KIF18A: variants seen among roughly 807,000 people sequenced by gnomAD.
KIF18A encodes the protein kinesin family member 18A, also known as kinesin-like protein KIF18A.
In KIF18A, 67 loss-of-function variants were observed where a neutral mutation model predicts 103.3. That is an observed-to-expected ratio of 0.65 (90% confidence interval 0.53 to 0.79). The LOEUF (loss-of-function observed/expected upper bound fraction) is 0.79. Among genes scored for constraint, KIF18A ranks in the 30% least tolerant of loss-of-function variants. KIF18A has a pLI of 0.00. For missense variants in KIF18A, 1,032 were observed against 1,062.5 expected, an observed-to-expected ratio of 0.97 and a Z score of 0.40; for synonymous variants, 367 against 355.5, an observed-to-expected ratio of 1.03 and a Z score of -0.36.
chr11:28,105,649 T>G (rs1285524515), intron 1 of KIF18A, among the ~76,000 whole-genome samples: 1 of 152,192 alleles, frequency 6.6e-6, no homozygotes, highest in African/African-American at 2.4e-5. Context: ...TTATATTTCC[T>G]TACTTTTGAT....
intron 6 of KIF18A, among the ~76,000 whole-genome samples, chr11:28,087,084 T>C (rs1048088654): frequency 6.6e-6 from 1 of 152,214 alleles, no homozygotes; most frequent in Non-Finnish European, 1.5e-5. Context: ...TTAAATTTAA[T>C]TTTTTAATTA....
chr11:28,030,283 C>T (rs998108799), intron 15 of KIF18A, among the ~76,000 whole-genome samples: 4 of 151,908 alleles, frequency 2.6e-5, no homozygotes, highest in South Asian at 2.1e-4. Context: ...TCAAACTATA[C>T]TACAAGGCTA....
intron 10 of KIF18A, chr11:28,076,432 A>C (rs1283535487): frequency 6.6e-6 from 1 of 152,164 alleles, no homozygotes; most frequent in Non-Finnish European, 1.5e-5. Context: ...AGTTCCATAA[A>C]ATGCCCAGAA....
chr11:28,079,900 TACTGTATTACTA>T (rs1428920908), intron 9 of KIF18A, among the ~76,000 whole-genome samples: 1 of 152,142 alleles, frequency 6.6e-6, no homozygotes, highest in East Asian at 1.9e-4. Context: ...TACTTTTGCA[TACTGTATTACTA>T]ACTGCTTTCT....
intron 13 of KIF18A, among the ~76,000 whole-genome samples, chr11:28,057,570 G>C (rs7105075): frequency 0.46 from 70,511 of 151,818 alleles, 17,896 homozygotes; most frequent in Admixed American, 0.56. Context: ...TATTATTGCT[G>C]TTGTTACTAT....
At chr11:28,086,401 A>T (rs1851228615) in intron 6 of KIF18A, among the ~76,000 whole-genome samples, 1 of 152,216 alleles carries the variant, frequency 6.6e-6, no homozygotes, top group African/African-American at 2.4e-5. Context: ...TCTTTTACCT[A>T]AAAAGAAAAA....
At chr11:28,035,546 A>C (rs191071856) in intron 14 of KIF18A, 52 bp from the exon 15 acceptor site, 1 of 1,109,594 alleles carries the variant, frequency 9.0e-7, no homozygotes, top group Admixed American at 2.7e-5. Flanking sequence ...TTGAACTATG[A>C]AGAGAAAAGG....
intron 13 of KIF18A, among the ~76,000 whole-genome samples, chr11:28,055,423 C>T (rs758102862): frequency 6.6e-6 from 1 of 152,168 alleles, no homozygotes; most frequent in African/African-American, 2.4e-5. Context: ...TCTGCAATTT[C>T]AGCTAATTTC....
intron 11 of KIF18A, among the ~76,000 whole-genome samples, chr11:28,066,388 C>T (rs1180589144): frequency 2.6e-5 from 4 of 151,980 alleles, no homozygotes; most frequent in Admixed American, 2.6e-4. Flanking sequence ...AGTATTCCTA[C>T]AGGCACTGTG....
intron 15 of KIF18A, among the ~76,000 whole-genome samples, chr11:28,029,209 T>A (rs965809389): frequency 7.2e-5 from 11 of 152,062 alleles, no homozygotes; most frequent in African/African-American, 2.7e-4. Flanking sequence ...TACCAAAGCC[T>A]GGCAGAGACA....
intron 15 of KIF18A, among the ~76,000 whole-genome samples, chr11:28,031,725 C>G (rs915510851): frequency 4.0e-5 from 6 of 151,004 alleles, no homozygotes; most frequent in African/African-American, 1.5e-4. Context: ...AGGAACATAT[C>G]TCAACACGAT....
chr11:28,083,118 C>A, intron 8 of KIF18A, 51 bp downstream of exon 8: 1 of 1,554,672 alleles, frequency 6.4e-7, no homozygotes, highest in Non-Finnish European at 8.6e-7. Flanking sequence ...TTATAAAATT[C>A]TATAAATGAA....
At position 28,097,750 on chromosome 11, in the gene KIF18A, C is replaced by G. The variant is rs748031282; in HGVS notation, c.198G>C (p.Lys66Asn). Residue 66 changes from lysine to asparagine, a missense_variant, in exon 2 of 17, where the codon AAG becomes AAC. Coordinates refer to ENST00000263181, the MANE Select transcript of KIF18A (RefSeq NM_031217.4). ...GKKTTNQNVI[K>N]KQNKDLKFVF... The stretch of plus-strand genomic sequence containing the variant: ...CAAATTTAAGATCCTTATTTTGTTT[C>G]TTTATAACATTTTGATTTGTAGTTT... 11 of 1,611,222 alleles carry G rather than the reference C, an allele frequency of 6.8e-6. No homozygotes were observed. The highest frequency in any genetic ancestry group is 7.6e-6 in the Non-Finnish European group (9 of 1,178,026).
chr11:28,046,550 G>A (rs1218439122), intron 13 of KIF18A, among the ~76,000 whole-genome samples: 4 of 128,120 alleles, frequency 3.1e-5, no homozygotes, highest in Non-Finnish European at 4.9e-5. Flanking sequence ...CTGTTGTGGG[G>A]TAGGGGGAGG....
chr11:28,094,504 G>T, intron 3 of KIF18A, 139 bp downstream of exon 3: 2 of 659,218 alleles, frequency 3.0e-6, no homozygotes, highest in South Asian at 2.4e-5. Flanking sequence ...AACAGAAAAA[G>T]ATGCATAACA....
Position 28,059,149 on chromosome 11 carries a change from A to C in KIF18A, c.1725T>G (p.Ala575=). The change falls in exon 13 of 17, where the codon GCT becomes GCG. Residue 575 remains alanine, a synonymous_variant. Transcript: ENST00000263181. ...QHRQTEAVLN[A]LLPTLRKQYC... is the part of the protein sequence containing the mutation. ...ATTGTTTTCTTAGGGTTGGAAGTAA[A>C]GCATTCAATACTCTATATACAGAAG... is the stretch of plus-strand genomic sequence containing the variant. The C allele has an allele frequency of 6.2e-7, 1 of 1,608,626 alleles. No individual in the cohort carries two copies.
At chr11:28,081,182 T>A (rs1851161030) in intron 9 of KIF18A, among the ~76,000 whole-genome samples, 2 of 152,192 alleles carry the variant, frequency 1.3e-5, no homozygotes, top group South Asian at 2.1e-4. Flanking sequence ...AGTGCTGATG[T>A]AGAAGCTGCA....
At chr11:28,078,138 C>A (rs1481405010) in intron 9 of KIF18A, among the ~76,000 whole-genome samples, 1 of 151,938 alleles carries the variant, frequency 6.6e-6, no homozygotes, top group Non-Finnish European at 1.5e-5. Flanking sequence ...TCTAAACTGG[C>A]CAGAATTTTA....
intron 13 of KIF18A, among the ~76,000 whole-genome samples, chr11:28,053,266 G>A (rs914348924): frequency 6.6e-6 from 1 of 152,036 alleles, no homozygotes; most frequent in Non-Finnish European, 1.5e-5. Context: ...ATGATGTGCT[G>A]TCTGAGATCT....
Sources: gnomAD v4.1 joint callset for allele counts (sites outside exome capture counted in the v4.1 genomes callset) on GRCh38, gnomAD v4.1.1 for gene constraint, MANE v1.5 for transcripts, NCBI Gene and HGNC (gene_info 2026-07-23, HGNC 2026-07-21) for gene names.